The following SUN1 variants were observed in gnomAD, a reference collection of about 807,000 sequenced individuals.
SUN1 encodes Sad1 and UNC84 domain containing 1.
SUN1 carries 61 observed loss-of-function variants against 103.2 expected under a neutral mutation model. The observed-to-expected ratio is 0.59, with a 90% confidence interval of 0.48 to 0.73. The LOEUF (loss-of-function observed/expected upper bound fraction) is 0.73, where lower values mean the gene tolerates loss of function less well. Among genes scored for constraint, SUN1 ranks in the 30% least tolerant of loss-of-function variants. The pLI is 0.00. For synonymous variants in SUN1, 490 were observed against 425.7 expected (o/e 1.15, Z -1.86); for missense variants, 1,052 against 1,034.6 (o/e 1.02, Z -0.23).
In SUN1 at chr7:866,334, C is replaced by G. The variant is rs538080685; in HGVS notation, c.1980+267C>G. Among the ~76,000 whole-genome samples the G allele has an allele frequency of 3.3e-5, 5 of 152,296 alleles. No individual in the cohort carries two copies. The South Asian group carries it at 1.0e-3, about 32-fold the overall frequency. On this transcript the variant is annotated intron_variant, in intron 16 of 18. Transcript: ENST00000401592. ...GTCCTGTCAGCCTTCCTCCCTCCCT[C>G]TTTTGGGTGTTCCAGCCATGGTGTT... is the stretch of plus-strand genomic sequence containing the variant.
intron 1 of SUN1, among the ~76,000 whole-genome samples, chr7:837,205 C>A (rs1306957589): frequency 6.6e-6 from 1 of 152,158 alleles, no homozygotes; most frequent in East Asian, 1.9e-4. Context: ...CTGGGGTGAG[C>A]AGGGTTCCGT....
rs956035533 is a variant in SUN1, at chr7:843,754, G to A, written c.658+234G>A. The A allele has an allele frequency of 5.6e-6, 8 of 1,428,764 alleles. No homozygotes were observed. The African/African-American group carries it at 1.0e-4, about 18-fold the overall frequency. 88.5% of individuals were successfully genotyped at this position (1,428,764 alleles called of 1,614,324 possible). ...TTTGAAATTCTATAAATTTGGACTT[G>A]ACGTGAGCAAAAGAAAATTTCTACG... On this transcript the variant is annotated intron_variant, in intron 5 of 18. Transcript: ENST00000401592.
chr7:817,982 G>T (rs73043547), intron 1 of SUN1, among the ~76,000 whole-genome samples: 1 of 151,626 alleles, frequency 6.6e-6, no homozygotes, highest in African/African-American at 2.4e-5. Flanking sequence ...TTTGGCCATG[G>T]TATTTTAAAT....
chr7:849,928 G>C, intron 5 of SUN1: 1 of 1,596,044 alleles, frequency 6.3e-7, no homozygotes, highest in Non-Finnish European at 8.5e-7. Context: ...TGCAGGCGAC[G>C]ACTGTAAGGG....
intron 1 of SUN1, among the ~76,000 whole-genome samples, chr7:821,337 G>T (rs1392958652): frequency 4.0e-5 from 6 of 151,842 alleles, no homozygotes; most frequent in South Asian, 2.1e-4. Context: ...GCCCAGCTAA[G>T]TTTTGTATTT....
In SUN1 at chr7:860,298, C is replaced by T. The variant is rs1216257378; in HGVS notation, c.1695C>T (p.His565=). ...QLQILRNVTH[H]VSVTKQLPTS... Reference sequence around the variant, plus strand: ...AGATCCTGCGGAACGTCACCCACCACGTTTCCGTGACCAAGCAGCTCCCAA... The same window carrying T: ...AGATCCTGCGGAACGTCACCCACCATGTTTCCGTGACCAAGCAGCTCCCAA... Residue 565 remains histidine (H), a synonymous_variant, in exon 14 of 19, where the codon CAC becomes CAT. Coordinates refer to ENST00000401592, the MANE Select transcript of SUN1 (RefSeq NM_001130965.3). 20 of 1,614,136 alleles carry T rather than the reference C, an allele frequency of 1.2e-5. No individual in the cohort carries two copies. Among genetic ancestry groups the T allele is most frequent in the African/African-American group, 2.7e-5 (2 of 74,958 alleles).
At chr7:827,774 A>G (rs774175385), upstream of SUN1, among the ~76,000 whole-genome samples, 2 of 151,016 alleles carry the variant, frequency 1.3e-5, no homozygotes, top group African/African-American at 4.9e-5. Context: ...CCTAAAATCC[A>G]TTTTTTACCA....
chr7:817,182 C>T (rs1016335769), intron 1 of SUN1: 36 of 534,566 alleles, frequency 6.7e-5, no homozygotes, highest in South Asian at 1.6e-4. Flanking sequence ...CTGGTCTCGA[C>T]CTCCTGAGCG....
intron 2 of SUN1, 36 bp downstream of exon 2, chr7:839,022 T>TA: frequency 6.8e-7 from 1 of 1,478,610 alleles, no homozygotes; most frequent in Non-Finnish European, 9.0e-7. Context: ...ATCTGATCTC[T>TA]AACACCAGTT....
At chr7:867,868 G>A (rs1023870700) in intron 16 of SUN1, among the ~76,000 whole-genome samples, 4 of 152,224 alleles carry the variant, frequency 2.6e-5, no homozygotes, top group African/African-American at 7.2e-5. Flanking sequence ...ACGGTGGAAT[G>A]TACCAGCATG....
At chr7:837,565 G>A (rs900908438) in intron 1 of SUN1, among the ~76,000 whole-genome samples, 7 of 152,206 alleles carry the variant, frequency 4.6e-5, no homozygotes, top group Non-Finnish European at 7.3e-5. Context: ...TATCTTCAGA[G>A]TTTTTGTCAG....
intron 5 of SUN1, chr7:850,767 T>TAAAAAAAAAAAA (rs771076592): frequency 8.0e-6 from 1 of 125,600 alleles, no homozygotes. Flanking sequence ...TCTCTTAAAT[T>TAAAAAAAAAAAA]AAAAAAAAAA....
chr7:841,392 C>T (rs1291890625), intron 2 of SUN1, among the ~76,000 whole-genome samples: 1 of 151,680 alleles, frequency 6.6e-6, no homozygotes, highest in African/African-American at 2.4e-5. Context: ...TACAGGCGCC[C>T]GCCAACACGC....
intron 5 of SUN1, among the ~76,000 whole-genome samples, chr7:846,211 C>T (rs1366880901): frequency 1.3e-5 from 2 of 152,012 alleles, no homozygotes; most frequent in South Asian, 2.1e-4. Flanking sequence ...CGGGCTCAAG[C>T]GATTCTCCTG....
At chr7:866,253 C>T (rs1836457618) in intron 16 of SUN1, among the ~76,000 whole-genome samples, 186 bp downstream of exon 16, 1 of 152,216 alleles carries the variant, frequency 6.6e-6, no homozygotes, top group South Asian at 2.1e-4. Flanking sequence ...CTCCACGCTA[C>T]ACATCTGTTG....
chr7:826,904 C>G (rs1386443339), intron 1 of SUN1, among the ~76,000 whole-genome samples: 1 of 152,194 alleles, frequency 6.6e-6, no homozygotes, highest in Admixed American at 6.5e-5. Context: ...TGTTTATAGG[C>G]TGAAGGGAAG....
intron 1 of SUN1, among the ~76,000 whole-genome samples, chr7:834,131 T>C (rs1395345644): frequency 6.8e-6 from 1 of 147,804 alleles, no homozygotes; most frequent in East Asian, 2.0e-4. Flanking sequence ...TGGTGTAGGC[T>C]GGGCTGGGAA....
At chr7:827,396 C>T (rs9639276) in intron 1 of SUN1, among the ~76,000 whole-genome samples, 23,709 of 151,398 alleles carry the variant, frequency 0.16, 1,984 homozygotes, top group South Asian at 0.24. Flanking sequence ...TGGATTATTA[C>T]TAGATTAGTA....
At chr7:826,735 C>T (rs909685778) in intron 1 of SUN1, among the ~76,000 whole-genome samples, 2 of 152,152 alleles carry the variant, frequency 1.3e-5, no homozygotes, top group East Asian at 1.9e-4. Flanking sequence ...CACTGGGCTC[C>T]CTCTCAGTGT....
Sources: gnomAD v4.1 joint callset for allele counts (sites outside exome capture counted in the v4.1 genomes callset) on GRCh38, gnomAD v4.1.1 for gene constraint, MANE v1.5 for transcripts, NCBI Gene and HGNC (gene_info 2026-07-23, HGNC 2026-07-21) for gene names.